The following NCAPD3 variants were observed in gnomAD, a reference collection of about 807,000 sequenced individuals.
The protein encoded by NCAPD3 is non-SMC condensin II complex subunit D3.
NCAPD3 carries 105 observed loss-of-function variants against 182.9 expected under a neutral mutation model. That is an observed-to-expected ratio of 0.57 (90% CI 0.49 to 0.68). The LOEUF (loss-of-function observed/expected upper bound fraction) is 0.68. Among genes scored for constraint, NCAPD3 ranks in the 30% least tolerant of loss-of-function variants. NCAPD3 has a pLI of 0.00. For synonymous variants in NCAPD3, 815 were observed against 679.9 expected (o/e 1.20, Z -3.09); for missense variants, 1,944 against 1,837.0 (o/e 1.06, Z -1.07).
At chr11:134,184,204 T>G (rs985509908) in intron 19 of NCAPD3, among the ~76,000 whole-genome samples, 3 of 152,236 alleles carry the variant, frequency 2.0e-5, no homozygotes, top group African/African-American at 7.2e-5. Flanking sequence ...TGTAACCTCA[T>G]AGTAACAGGA....
At chr11:134,194,793 T>C in intron 13 of NCAPD3, 55 bp from the exon 14 acceptor site, 1 of 1,254,282 alleles carries the variant, frequency 8.0e-7, no homozygotes, top group Non-Finnish European at 1.1e-6. Context: ...ACACAGCAGC[T>C]AACATTTCAC....
At chr11:134,217,255 CAA>C (rs1938063449) in intron 2 of NCAPD3, among the ~76,000 whole-genome samples, 157 bp from the exon 3 acceptor site, 1 of 151,984 alleles carries the variant, frequency 6.6e-6, no homozygotes. Context: ...GGGACTGAAA[CAA>C]AATATCAAAA....
At chr11:134,211,561 A>G (rs554954394) in intron 3 of NCAPD3, among the ~76,000 whole-genome samples, 1 of 152,336 alleles carries the variant, frequency 6.6e-6, no homozygotes, top group Non-Finnish European at 1.5e-5. Context: ...GCTAAAAAGC[A>G]GGAAAATGTG....
At chr11:134,180,148 C>A (rs1222934188) in intron 20 of NCAPD3, among the ~76,000 whole-genome samples, 1 of 152,060 alleles carries the variant, frequency 6.6e-6, no homozygotes, top group Non-Finnish European at 1.5e-5. Flanking sequence ...GTGCTACACT[C>A]CCTGGTGCTC....
intron 16 of NCAPD3, among the ~76,000 whole-genome samples, chr11:134,192,204 T>C (rs1192450259): frequency 6.6e-6 from 1 of 152,228 alleles, no homozygotes; most frequent in Non-Finnish European, 1.5e-5. Context: ...CGCATGATGA[T>C]TCCTCCATCA....
chr11:134,209,347 T>C lies in NCAPD3; in HGVS notation c.698A>G (p.Lys233Arg), dbSNP rs754162455. The C allele has an allele frequency of 6.2e-7, 1 of 1,613,974 alleles. No homozygotes were observed. Among genetic ancestry groups the C allele is most frequent in the Non-Finnish European group, 8.5e-7 (1 of 1,179,988 alleles). The change falls in exon 5 of 35, where the codon AAA becomes AGA. Residue 233 changes from lysine to arginine, a missense_variant. Lys to Arg is a conservative substitution (Grantham distance 26, BLOSUM62 2). This residue lies in a region of NCAPD3 where 1,803 missense variants were observed against 1,674.6 expected (regional missense o/e 1.08). Transcript: ENST00000534548. ...ATTCTGTACACATTGTGGCTTTTCT[T>C]TCAAGGAAAACTTTGGCAGAAGCCT... The part of the protein sequence containing the change: ...FLRLLPKFSL[K>R]EKPQCVQNCI...
Position 134,167,313 on chromosome 11 carries a change from C to T in NCAPD3, c.3573+683G>A, listed in dbSNP as rs545612205. Among the ~76,000 whole-genome samples, 6 of 95,982 alleles carry T rather than the reference C, an allele frequency of 6.3e-5. 1 individual carries two copies. Among genetic ancestry groups the T allele is most frequent in the South Asian group, 8.6e-4 (2 of 2,338 alleles). 63.0% of individuals were successfully genotyped at this position (95,982 alleles called of 152,430 possible). A position where few individuals can be genotyped will look rare whatever the true frequency, so the allele number is the denominator to read the frequency against. ...TGAGCTTGGGGGAGCAGCACACTCA[C>T]TTGTGAAATGAGCCTGGGGGAGGCG... On this transcript the variant is annotated intron_variant, in intron 27 of 34. Transcript: ENST00000534548.
Position 134,188,429 on chromosome 11 carries a change from G to A in NCAPD3, c.2046-2903C>T, listed in dbSNP as rs556259615. On this transcript the variant is annotated intron_variant, in intron 16 of 34. Coordinates refer to ENST00000534548, the MANE Select transcript of NCAPD3 (RefSeq NM_015261.3). The stretch of plus-strand genomic sequence containing the variant: ...CCGAGCCAGCAGCAGCAACCCGCTC[G>A]GGTCCCCTTGCACGCTGTGGAAGCT... Among the ~76,000 whole-genome samples, 638 of 152,306 alleles carry A rather than the reference G, an allele frequency of 4.2e-3. 4 individuals carry two copies. The highest frequency in any genetic ancestry group is 0.015 in the African/African-American group (610 of 41,566).
chr11:134,166,693 TGA>T (rs1305838702), intron 27 of NCAPD3, among the ~76,000 whole-genome samples: 1 of 101,616 alleles, frequency 9.8e-6, no homozygotes, highest in Non-Finnish European at 1.9e-5. Context: ...AGGGGCACAC[TGA>T]GTGAGATGAG....
chr11:134,186,723 T>TTTG (rs1490287461), intron 16 of NCAPD3, among the ~76,000 whole-genome samples: 2 of 152,316 alleles, frequency 1.3e-5, no homozygotes, highest in East Asian at 3.9e-4. Flanking sequence ...AAACTGTTTT[T>TTTG]AGAAGGGAAA....
In NCAPD3 at chr11:134,152,990, CAGGCTGG is replaced by C; in HGVS notation, c.4444_4450del (p.Pro1482AlafsTer11). On this transcript the variant is annotated frameshift_variant, in exon 35 of 35. Coordinates refer to ENST00000534548, the MANE Select transcript of NCAPD3 (RefSeq NM_015261.3). LOFTEE classifies it high-confidence loss of function. ...GGTCTTTCGGAGGGACCTCCTGCTGCAGGCTGGAGTGTCTTTATTCCTGGCGGGAGAC... is the reference window on the plus strand; with the variant it reads ...GGTCTTTCGGAGGGACCTCCTGCTGCAGTGTCTTTATTCCTGGCGGGAGAC... 6.3e-7 allele frequency: 1 copy of C among 1,580,720 alleles called. No individual in the cohort carries two copies. Among genetic ancestry groups the C allele is most frequent in the Non-Finnish European group, 8.6e-7 (1 of 1,162,014 alleles).
At chr11:134,205,434 G>A (rs1324078867) in intron 8 of NCAPD3, among the ~76,000 whole-genome samples, 6 of 151,122 alleles carry the variant, frequency 4.0e-5, no homozygotes, top group South Asian at 2.1e-4. Context: ...AGGCTGGAGC[G>A]CAATGGTGTG....
intron 24 of NCAPD3, 122 bp downstream of exon 24, chr11:134,176,185 G>A: frequency 1.3e-6 from 1 of 752,514 alleles, no homozygotes; most frequent in Admixed American, 2.8e-5. Flanking sequence ...AATTTTCCTG[G>A]CACCTACCGA....
intron 32 of NCAPD3, chr11:134,156,764 G>A (rs116453349): frequency 1.8e-5 from 6 of 334,604 alleles, no homozygotes; most frequent in Admixed American, 9.9e-5. Context: ...GTGCCTCAAC[G>A]GCATTGTCTG....
intron 19 of NCAPD3, among the ~76,000 whole-genome samples, chr11:134,181,468 C>T (rs773205082): frequency 1.1e-4 from 17 of 152,122 alleles, no homozygotes; most frequent in Non-Finnish European, 2.2e-4. Flanking sequence ...TACAATGACC[C>T]CATGTAGTAA....
chr11:134,208,294 C>A (rs529692992), intron 7 of NCAPD3, among the ~76,000 whole-genome samples: 1 of 152,200 alleles, frequency 6.6e-6, no homozygotes, highest in Non-Finnish European at 1.5e-5. Context: ...CAGCATCATG[C>A]GCAACTAACT....
intron 13 of NCAPD3, 28 bp downstream of exon 13, chr11:134,202,788 T>C: frequency 6.7e-7 from 1 of 1,491,398 alleles, no homozygotes; most frequent in East Asian, 2.3e-5. Context: ...CAGTATTACC[T>C]ATCTGACAGT....
chr11:134,168,522 A>T lies in NCAPD3; in HGVS notation c.3320T>A (p.Phe1107Tyr). The stretch of plus-strand genomic sequence containing the variant: ...GATGTTGAATCGCTGTTCATCTGTG[A>T]AGTGCTCTAGAAGAAATTTGTAGAT... ...MKIYKFLLEH[F>Y]TDEQRFNITS... The change falls in exon 26 of 35, where the codon TTC becomes TAC. Residue 1107 changes from phenylalanine (F) to tyrosine (Y), a missense_variant. This residue lies in a region of NCAPD3 where 1,803 missense variants were observed against 1,674.6 expected (regional missense o/e 1.08). Transcript: ENST00000534548. The T allele has an allele frequency of 6.2e-7, 1 of 1,614,222 alleles. No individual in the cohort carries two copies. The highest frequency in any genetic ancestry group is 8.5e-7 in the Non-Finnish European group (1 of 1,180,030).
intron 31 of NCAPD3, among the ~76,000 whole-genome samples, 176 bp downstream of exon 31, chr11:134,157,752 C>T (rs1943463609): frequency 6.6e-6 from 1 of 152,158 alleles, no homozygotes; most frequent in Non-Finnish European, 1.5e-5. Flanking sequence ...CTCTATTTTC[C>T]AAATCTCCTA....
Sources: allele counts gnomAD v4.1 joint callset (sites outside exome capture counted in the v4.1 genomes callset), GRCh38; gene constraint gnomAD v4.1.1; regional missense constraint gnomAD v4.1.1; transcripts MANE v1.5; gene names NCBI Gene and HGNC (gene_info 2026-07-23, HGNC 2026-07-21).